Variants in LATS2 observed in about 807,000 individuals in gnomAD.
The protein encoded by LATS2 is large tumor suppressor kinase 2.
LATS2 carries 24 observed loss-of-function variants against 76.0 expected under a neutral mutation model. That is an observed-to-expected ratio of 0.32 (90% confidence interval 0.23 to 0.44). LATS2 has a LOEUF of 0.44. Among genes scored for constraint, LATS2 ranks in the 20% least tolerant of loss-of-function variants. LATS2 has a pLI of 1.00. For synonymous variants in LATS2, 692 were observed against 635.4 expected (o/e 1.09, Z -1.34); for missense variants, 1,286 against 1,481.2 (o/e 0.87, Z 2.16).
intron 4 of LATS2, among the ~76,000 whole-genome samples, chr13:20,984,590 T>TA (rs762336361): frequency 4.0e-5 from 6 of 151,878 alleles, no homozygotes; most frequent in East Asian, 1.9e-4. Context: ...ACAACAGCTA[T>TA]AAAAAAAATC....
intron 2 of LATS2, among the ~76,000 whole-genome samples, chr13:21,020,446 G>C (rs995041600): frequency 2.0e-5 from 3 of 152,186 alleles, no homozygotes; most frequent in African/African-American, 7.2e-5. Context: ...ATTTACCCAG[G>C]AAAGTTAGGC....
intron 2 of LATS2, among the ~76,000 whole-genome samples, chr13:20,997,401 CAA>C (rs2138309315): frequency 6.6e-6 from 1 of 152,288 alleles, no homozygotes; most frequent in East Asian, 1.9e-4. Flanking sequence ...GAAAGGACTG[CAA>C]AAGAGGCACT....
chr13:21,021,897 C>T (rs1461491204), intron 2 of LATS2, among the ~76,000 whole-genome samples: 1 of 152,176 alleles, frequency 6.6e-6, no homozygotes, highest in Non-Finnish European at 1.5e-5. Flanking sequence ...GGTGAAAGCT[C>T]CTCAGACTTC....
intron 1 of LATS2, among the ~76,000 whole-genome samples, chr13:21,050,119 CATAGACAGATAGATAG>C (rs796789358): frequency 3.7e-5 from 1 of 26,780 alleles, no homozygotes; most frequent in African/African-American, 6.9e-5. Context: ...GACTCTGTCT[CATAGACAGATAGATAG>C]ATAGATAGAT....
At position 21,046,070 on chromosome 13, in the gene LATS2, G is replaced by C. The variant is rs1348572648; in HGVS notation, c.-44C>G. 2.3e-6 allele frequency: 3 copies of C among 1,328,080 alleles called. No homozygotes were observed. The highest frequency in any genetic ancestry group is 4.7e-5 in the East Asian group (2 of 42,116). 82.3% of individuals were successfully genotyped at this position (1,328,080 alleles called of 1,614,324 possible). The stretch of plus-strand genomic sequence containing the variant: ...TTACCATAAATACAATCTTCTTAAA[G>C]TGTTTTATTATTTAAAAAAAAAAAC... On this transcript the variant is annotated 5_prime_UTR_variant, in exon 2 of 8. Transcript: ENST00000382592.
chr13:20,975,927 G>A (rs1295516012), intron 7 of LATS2, among the ~76,000 whole-genome samples: 7 of 152,094 alleles, frequency 4.6e-5, no homozygotes, highest in Non-Finnish European at 7.4e-5. Context: ...CAGGTGATCA[G>A]CTAAAGTTAT....
intron 7 of LATS2, 151 bp from the exon 8 acceptor site, chr13:20,975,515 G>C (rs1343165212): frequency 1.2e-6 from 1 of 803,772 alleles, no homozygotes; most frequent in Non-Finnish European, 1.9e-6. Flanking sequence ...GATCTCAGCA[G>C]CCACAAAAAG....
intron 4 of LATS2, among the ~76,000 whole-genome samples, chr13:20,986,812 T>C (rs1000062999): frequency 2.0e-5 from 3 of 152,158 alleles, no homozygotes; most frequent in Non-Finnish European, 4.4e-5. Context: ...ATGGATACTC[T>C]AAATACCTTG....
chr13:20,987,014 G>A (rs193260521), intron 4 of LATS2, among the ~76,000 whole-genome samples: 2 of 152,198 alleles, frequency 1.3e-5, no homozygotes, highest in East Asian at 1.9e-4. Flanking sequence ...CCAACATGGC[G>A]AAACCCCCGT....
At chr13:21,028,340 T>G (rs952046736) in intron 2 of LATS2, among the ~76,000 whole-genome samples, 6 of 152,166 alleles carry the variant, frequency 3.9e-5, no homozygotes, top group African/African-American at 1.4e-4. Context: ...TGTTGGACAT[T>G]TGGGTTGGTT....
At chr13:21,022,621 T>C (rs565527118) in intron 2 of LATS2, among the ~76,000 whole-genome samples, 2 of 152,330 alleles carry the variant, frequency 1.3e-5, no homozygotes, top group East Asian at 3.9e-4. Flanking sequence ...GAAAGCTTTT[T>C]GTTTATTGTC....
intron 3 of LATS2, among the ~76,000 whole-genome samples, chr13:20,990,485 TTTA>T (rs1262468093): frequency 6.4e-5 from 9 of 140,028 alleles, no homozygotes; most frequent in African/African-American, 1.1e-4. Flanking sequence ...TTTTTTTTTT[TTTA>T]AATACAGACG....
At chr13:21,040,336 T>C (rs112660876) in intron 2 of LATS2, among the ~76,000 whole-genome samples, 5 of 150,148 alleles carry the variant, frequency 3.3e-5, no homozygotes, top group Admixed American at 3.3e-4. Flanking sequence ...TGAGCCGAGA[T>C]TGCGCCACTG....
chr13:21,021,465 A>C (rs1595240224), intron 2 of LATS2, among the ~76,000 whole-genome samples: 2 of 105,774 alleles, frequency 1.9e-5, no homozygotes, highest in African/African-American at 7.4e-5. Flanking sequence ...GCAGAGTGAG[A>C]CTCTGTCTCA....
rs1407362044 is a variant in LATS2, at chr13:20,989,016, C to T, written c.764G>A (p.Arg255Gln). ...HFPLQGAHYG[R>Q]PHLLVPGEPL... is the part of the protein sequence containing the mutation. ...TTCCCCAGGCACCAGCAGGTGCGGC[C>T]GCCCGTAGTGCGCGCCCTGCAGCGG... The change falls in exon 4 of 8, where the codon CGG becomes CAG. Residue 255 changes from arginine to glutamine, a missense_variant. By Grantham distance (43) the Arg-to-Gln change is conservative. This residue lies in a region of LATS2 where 710 missense variants were observed against 660.9 expected (regional missense o/e 1.07). Transcript: ENST00000382592. 2.8e-5 allele frequency: 44 copies of T among 1,552,148 alleles called. No individual in the cohort carries two copies. Among genetic ancestry groups the T allele is most frequent in the East Asian group, 7.2e-5 (3 of 41,872 alleles).
chr13:21,056,714 A>G lies in LATS2; in HGVS notation c.-205+4632T>C, dbSNP rs954359836. On this transcript the variant is annotated intron_variant, in intron 1 of 7. Coordinates refer to ENST00000382592, the MANE Select transcript of LATS2 (RefSeq NM_014572.3). ...TCCCATTTGAGAATCACTGCTATGG[A>G]CTGAAGTAATAAATACTGTGACTGT... 2.6e-4 allele frequency among the ~76,000 whole-genome samples: 39 copies of G among 152,212 alleles called. 1 individual carries two copies. Among genetic ancestry groups the G allele is most frequent in the Non-Finnish European group, 1.5e-5 (1 of 68,038 alleles).
At position 20,989,315 on chromosome 13, in the gene LATS2, A is replaced by C; in HGVS notation, c.476-11T>G. The C allele has an allele frequency of 3.1e-6, 5 of 1,613,468 alleles. No individual in the cohort carries two copies. Among genetic ancestry groups the C allele is most frequent in the Non-Finnish European group, 8.5e-7 (1 of 1,179,954 alleles). Reference sequence around the variant, plus strand: ...GCATGAGCCCCTTTCCTGCAGTGGAAAAAACAGGAAGACAGCATCAGAGTG... The same window carrying C: ...GCATGAGCCCCTTTCCTGCAGTGGACAAAACAGGAAGACAGCATCAGAGTG... On this transcript the variant is annotated splice_polypyrimidine_tract_variant and intron_variant, in intron 3 of 7. Transcript: ENST00000382592.
intron 2 of LATS2, among the ~76,000 whole-genome samples, chr13:21,010,307 G>A (rs1420694677): frequency 6.6e-6 from 1 of 152,026 alleles, no homozygotes; most frequent in African/African-American, 2.4e-5. Context: ...CTCCTCCCCT[G>A]CCAACCCCCA....
rs1267210264 is a variant in LATS2 at position 21,061,164 on chromosome 13, CG to C, written c.-205+181del. 2.6e-5 allele frequency among the ~76,000 whole-genome samples: 4 copies of C among 151,422 alleles called. No homozygotes were observed. In the South Asian group the frequency reaches 8.3e-4, roughly 32 times the overall value. ...GGGCGGGGGCGGCTCCGGGCGGGCGCGGACCGTGGGGGCAGGGCGCAGGGCT... is the reference window on the plus strand; with the variant it reads ...GGGCGGGGGCGGCTCCGGGCGGGCGCGACCGTGGGGGCAGGGCGCAGGGCT... On this transcript the variant is annotated intron_variant, in intron 1 of 7. Transcript: ENST00000382592.
Sources: gnomAD v4.1 joint callset for allele counts (sites outside exome capture counted in the v4.1 genomes callset) on GRCh38, gnomAD v4.1.1 for gene constraint, gnomAD v4.1.1 regional missense constraint, MANE v1.5 for transcripts, NCBI Gene and HGNC (gene_info 2026-07-23, HGNC 2026-07-21) for gene names.